Variants in NDST4 observed in about 807,000 individuals in gnomAD.
The protein encoded by NDST4 is N-deacetylase and N-sulfotransferase 4, also known as N-heparan sulfate sulfotransferase 4.
A neutral mutation model predicts 100.8 loss-of-function variants in NDST4; 63 were observed. That is an observed-to-expected ratio of 0.62 (90% CI 0.51 to 0.77). The LOEUF is 0.77. Among genes scored for constraint, NDST4 ranks in the 30% least tolerant of loss-of-function variants. The pLI, the probability that NDST4 is intolerant of heterozygous loss-of-function variation, is 0.00. For missense variants in NDST4, 943 were observed against 1,018.4 expected, an observed-to-expected ratio of 0.93 and a Z score of 1.01; for synonymous variants, 377 against 361.8, an observed-to-expected ratio of 1.04 and a Z score of -0.48.
chr4:115,021,378 T>TATTCCATATATATAC (rs1049199749), intron 2 of NDST4, among the ~76,000 whole-genome samples: 1 of 148,760 alleles, frequency 6.7e-6, no homozygotes, highest in African/African-American at 2.6e-5. Flanking sequence ...TCCATATATA[T>TATTCCATATATATAC]ATTCCATATA....
Position 114,845,942 on chromosome 4 carries a change from T to G in NDST4, c.1996A>C (p.Lys666Gln), listed in dbSNP as rs1263036415. 6.2e-7 allele frequency: 1 copy of G among 1,614,030 alleles called. No homozygotes were observed. Among genetic ancestry groups the G allele is most frequent in the South Asian group, 1.1e-5 (1 of 91,074 alleles). ...TCCGAATGGAAGTAATTAGCACTCT[T>G]TTCAAACAGAAAGTCACTTGTAGTA... ...SNTTSDFLFE[K>Q]SANYFHSEEA... The change falls in exon 10 of 14, where the codon AAG becomes CAG. Residue 666 changes from lysine (K) to glutamine (Q), a missense_variant. This residue lies in a region of NDST4 where 526 missense variants were observed against 634.1 expected (regional missense o/e 0.83). Transcript: ENST00000264363.
At chr4:115,072,160 C>A (rs1371308523) in intron 2 of NDST4, among the ~76,000 whole-genome samples, 1 of 151,958 alleles carries the variant, frequency 6.6e-6, no homozygotes, top group Non-Finnish European at 1.5e-5. Flanking sequence ...ATCTTGAAAG[C>A]AGCAAGAGAA....
intron 2 of NDST4, among the ~76,000 whole-genome samples, chr4:115,050,012 C>A (rs905214738): frequency 6.6e-6 from 1 of 152,036 alleles, no homozygotes; most frequent in Non-Finnish European, 1.5e-5. Flanking sequence ...CAAAACCAGA[C>A]CTTTCTGATT....
intron 2 of NDST4, among the ~76,000 whole-genome samples, chr4:115,057,573 C>T (rs982307308): frequency 3.3e-5 from 5 of 152,094 alleles, no homozygotes; most frequent in African/African-American, 4.8e-5. Context: ...TTATTTCTAA[C>T]GTTTATAACT....
At chr4:115,023,537 C>T in intron 2 of NDST4, among the ~76,000 whole-genome samples, 1 of 151,076 alleles carries the variant, frequency 6.6e-6, no homozygotes, top group East Asian at 1.9e-4. Context: ...CCACCTGTTC[C>T]CCAATAACCT....
chr4:115,008,721 T>G (rs1347444427), intron 2 of NDST4, among the ~76,000 whole-genome samples: 1 of 127,134 alleles, frequency 7.9e-6, no homozygotes, highest in Non-Finnish European at 1.7e-5. Flanking sequence ...GGGTATTCAA[T>G]TAGGAAAAGA....
At chr4:115,054,037 T>A (rs943045293) in intron 2 of NDST4, among the ~76,000 whole-genome samples, 1 of 152,066 alleles carries the variant, frequency 6.6e-6, no homozygotes, top group Admixed American at 6.6e-5. Context: ...TTTCTCTAAA[T>A]GATAATAGGT....
chr4:115,065,294 G>A (rs1728923166), intron 2 of NDST4, among the ~76,000 whole-genome samples: 1 of 152,048 alleles, frequency 6.6e-6, no homozygotes, highest in Non-Finnish European at 1.5e-5. Context: ...TGGTGTTACA[G>A]ATATATGGTA....
chr4:115,061,902 T>C (rs2126283719), intron 2 of NDST4, among the ~76,000 whole-genome samples: 1 of 152,162 alleles, frequency 6.6e-6, no homozygotes, highest in East Asian at 1.9e-4. Context: ...ATTAAATGCT[T>C]ATATGAGAGG....
chr4:114,837,450 A>G (rs1396802476), intron 11 of NDST4, among the ~76,000 whole-genome samples: 1 of 152,192 alleles, frequency 6.6e-6, no homozygotes, highest in Non-Finnish European at 1.5e-5. Flanking sequence ...CAGTAACCAA[A>G]CAAGCATGGT....
intron 6 of NDST4, among the ~76,000 whole-genome samples, chr4:114,871,450 T>G (rs1724146858): frequency 6.6e-6 from 1 of 152,088 alleles, no homozygotes; most frequent in Admixed American, 6.6e-5. Flanking sequence ...AGCCAGAAAC[T>G]TTTCCCCACT....
At chr4:114,945,208 CAAAAAAAAAAAA>C (rs1173970826) in intron 4 of NDST4, among the ~76,000 whole-genome samples, 11 of 53,788 alleles carry the variant, frequency 2.0e-4, no homozygotes, top group Admixed American at 1.8e-3. Flanking sequence ...AACTCCGTCT[CAAAAAAAAAAAA>C]AAAAAAAAAA....
intron 4 of NDST4, among the ~76,000 whole-genome samples, chr4:114,953,069 C>T (rs1473115547): frequency 1.4e-5 from 2 of 144,464 alleles, no homozygotes; most frequent in East Asian, 2.0e-4. Flanking sequence ...GTCCATTTCT[C>T]CCAGAGACCA....
intron 6 of NDST4, among the ~76,000 whole-genome samples, chr4:114,889,973 G>A (rs1343271215): frequency 1.3e-5 from 2 of 152,122 alleles, no homozygotes; most frequent in Non-Finnish European, 2.9e-5. Flanking sequence ...AAGGGACAAA[G>A]TTGGGCCTGA....
At chr4:115,092,050 G>C (rs1729530968) in intron 1 of NDST4, among the ~76,000 whole-genome samples, 1 of 152,242 alleles carries the variant, frequency 6.6e-6, no homozygotes, top group Middle Eastern at 3.4e-3. Flanking sequence ...CTCTACTGAA[G>C]TTATGGTTAA....
chr4:114,986,829 TATA>T (rs1560845481), intron 2 of NDST4, among the ~76,000 whole-genome samples: 49 of 116,436 alleles, frequency 4.2e-4, no homozygotes, highest in Middle Eastern at 4.4e-3. Flanking sequence ...TATATATATA[TATA>T]TTTTAATATA....
intron 6 of NDST4, among the ~76,000 whole-genome samples, chr4:114,925,404 G>A (rs1308660055): frequency 6.6e-6 from 1 of 152,064 alleles, no homozygotes; most frequent in Non-Finnish European, 1.5e-5. Flanking sequence ...GTTTGTTTCA[G>A]GTTATTTCAT....
At chr4:114,988,049 T>G (rs1726950760) in intron 2 of NDST4, among the ~76,000 whole-genome samples, 3 of 152,210 alleles carry the variant, frequency 2.0e-5, no homozygotes, top group African/African-American at 7.2e-5. Flanking sequence ...GTTTTTCCAT[T>G]ATTCCAGGAT....
At chr4:114,828,369 T>G (rs1723126087) in intron 13 of NDST4, among the ~76,000 whole-genome samples, 1 of 152,176 alleles carries the variant, frequency 6.6e-6, no homozygotes, top group South Asian at 2.1e-4. Flanking sequence ...TCATAAAAAC[T>G]AAAATTCACT....
Sources: allele counts gnomAD v4.1 joint callset (sites outside exome capture counted in the v4.1 genomes callset), GRCh38; gene constraint gnomAD v4.1.1; regional missense constraint gnomAD v4.1.1; transcripts MANE v1.5; gene names NCBI Gene and HGNC (gene_info 2026-07-23, HGNC 2026-07-21).